Variants in PTPRM observed in about 807,000 individuals in gnomAD.
The protein encoded by PTPRM is receptor-type tyrosine-protein phosphatase mu.
Under a neutral mutation model 186.7 loss-of-function variants are expected in PTPRM, and 47 were observed. That is an observed-to-expected ratio of 0.25 (90% CI 0.20 to 0.32). The LOEUF (loss-of-function observed/expected upper bound fraction) is 0.32. Ranked by LOEUF, PTPRM falls within the 10% of genes least tolerant of loss-of-function variation. PTPRM has a pLI of 1.00. For missense variants in PTPRM, 1,494 were observed against 1,865.0 expected (o/e 0.80, Z 3.66); for synonymous variants, 668 against 674.9 (o/e 0.99, Z 0.16).
intron 4 of PTPRM, 69 bp from the exon 5 acceptor site, chr18:7,926,499 G>A (rs1401566512): frequency 2.5e-6 from 3 of 1,221,600 alleles, no homozygotes; most frequent in Non-Finnish European, 3.4e-6. Context: ...ATTTCAGATA[G>A]ATTGAAGAAG....
At chr18:8,033,664 T>C (rs1029760834) in intron 7 of PTPRM, among the ~76,000 whole-genome samples, 3 of 152,256 alleles carry the variant, frequency 2.0e-5, no homozygotes, top group Non-Finnish European at 4.4e-5. Context: ...CAGTTTGTCA[T>C]TGACCAAAAT....
chr18:7,697,714 A>T (rs2039874595), intron 1 of PTPRM, among the ~76,000 whole-genome samples: 1 of 152,200 alleles, frequency 6.6e-6, no homozygotes, highest in East Asian at 1.9e-4. Flanking sequence ...TTTACAGAGT[A>T]ATCTAGAGAG....
At chr18:7,857,782 G>A (rs1209869119) in intron 2 of PTPRM, among the ~76,000 whole-genome samples, 2 of 152,140 alleles carry the variant, frequency 1.3e-5, no homozygotes, top group African/African-American at 4.8e-5. Flanking sequence ...CATCAGTAGA[G>A]GACTAGAACA....
intron 7 of PTPRM, among the ~76,000 whole-genome samples, chr18:7,964,082 G>A (rs2053859349): frequency 6.6e-6 from 1 of 152,124 alleles, no homozygotes; most frequent in African/African-American, 2.4e-5. Context: ...TTTTTTATTA[G>A]AGCACATGCC....
At chr18:8,003,516 C>T (rs190883447) in intron 7 of PTPRM, among the ~76,000 whole-genome samples, 103 of 152,348 alleles carry the variant, frequency 6.8e-4, no homozygotes, top group African/African-American at 2.2e-3. Flanking sequence ...GAAGGTGCCT[C>T]AGCCAGGGCA....
intron 5 of PTPRM, among the ~76,000 whole-genome samples, chr18:7,943,415 C>G (rs1599650322): frequency 6.6e-6 from 1 of 152,158 alleles, no homozygotes; most frequent in East Asian, 1.9e-4. Context: ...CTTCGGTGAC[C>G]CAACATGACC....
chr18:7,580,253 G>A (rs1000334008), intron 1 of PTPRM, among the ~76,000 whole-genome samples: 1 of 152,180 alleles, frequency 6.6e-6, no homozygotes, highest in Non-Finnish European at 1.5e-5. Context: ...TTTTTGATAG[G>A]TGAGCATGGG....
At position 8,080,257 on chromosome 18, in the gene PTPRM, A is replaced by G. The variant is rs540339392; in HGVS notation, c.1551+3693A>G. 1.8e-4 allele frequency among the ~76,000 whole-genome samples: 28 copies of G among 152,280 alleles called. No individual in the cohort carries two copies. In the South Asian group the frequency reaches 4.8e-3, roughly 26 times the overall value. The stretch of plus-strand genomic sequence containing the variant: ...AGAAGTTTATTAGTAATACTCCCCA[A>G]TGTACAAGGATATTTGCCCAAGTAT... On this transcript the variant is annotated intron_variant, in intron 9 of 32. Coordinates refer to ENST00000580170, the MANE Select transcript of PTPRM (RefSeq NM_001105244.2).
intron 14 of PTPRM, among the ~76,000 whole-genome samples, chr18:8,162,062 T>G (rs2093240035): frequency 6.6e-6 from 1 of 152,142 alleles, no homozygotes; most frequent in South Asian, 2.1e-4. Flanking sequence ...TAGAATACTT[T>G]TTCTCATAAG....
At chr18:8,257,979 T>G (rs539901381) in intron 19 of PTPRM, among the ~76,000 whole-genome samples, 2 of 152,236 alleles carry the variant, frequency 1.3e-5, no homozygotes, top group South Asian at 4.2e-4. Context: ...TCAGTGCAGG[T>G]TTTTTATTTG....
intron 1 of PTPRM, among the ~76,000 whole-genome samples, chr18:7,611,520 T>G (rs1051076799): frequency 2.0e-5 from 3 of 152,204 alleles, no homozygotes; most frequent in African/African-American, 7.2e-5. Flanking sequence ...GTATTCAGTG[T>G]AGTCACATGC....
At chr18:8,316,088 C>T (rs141074502) in intron 21 of PTPRM, among the ~76,000 whole-genome samples, 3 of 152,168 alleles carry the variant, frequency 2.0e-5, no homozygotes, top group Non-Finnish European at 4.4e-5. Context: ...TCACAGTCTC[C>T]CAACTCAGAA....
At chr18:7,684,271 G>T (rs376078928) in intron 1 of PTPRM, among the ~76,000 whole-genome samples, 68 of 149,244 alleles carry the variant, frequency 4.6e-4, no homozygotes, top group African/African-American at 1.7e-3. Flanking sequence ...ACTCTAGCCT[G>T]GGTGACAGAG....
chr18:7,569,450 T>C (rs1171072168), intron 1 of PTPRM, among the ~76,000 whole-genome samples: 2 of 152,374 alleles, frequency 1.3e-5, no homozygotes, highest in African/African-American at 2.4e-5. Flanking sequence ...ATAAAACTGA[T>C]GCAGAATTTG....
intron 7 of PTPRM, among the ~76,000 whole-genome samples, chr18:7,978,051 C>G (rs188369405): frequency 5.9e-5 from 9 of 152,320 alleles, no homozygotes; most frequent in African/African-American, 2.2e-4. Context: ...AAGTGCCTGG[C>G]AAGGCCACTG....
At chr18:7,680,705 GA>G (rs2039461258) in intron 1 of PTPRM, among the ~76,000 whole-genome samples, 1 of 152,138 alleles carries the variant, frequency 6.6e-6, no homozygotes. Flanking sequence ...AAAAGAAAAA[GA>G]AAAAGATGTG....
intron 2 of PTPRM, among the ~76,000 whole-genome samples, chr18:7,872,770 C>T (rs901051107): frequency 5.3e-5 from 8 of 152,136 alleles, no homozygotes; most frequent in Admixed American, 2.0e-4. Context: ...ATGCTTCTGA[C>T]CTTCAGACCA....
intron 22 of PTPRM, among the ~76,000 whole-genome samples, chr18:8,325,959 T>A (rs2095373236): frequency 6.6e-6 from 1 of 152,234 alleles, no homozygotes; most frequent in Admixed American, 6.5e-5. Context: ...ATATACTTGC[T>A]GGCCGCATGG....
At chr18:7,810,185 C>G (rs1317316908) in intron 2 of PTPRM, among the ~76,000 whole-genome samples, 9 of 152,194 alleles carry the variant, frequency 5.9e-5, no homozygotes, top group Admixed American at 2.6e-4. Flanking sequence ...CCACCTTTCT[C>G]GAGCTCTAGT....
Sources: allele counts gnomAD v4.1 joint callset (sites outside exome capture counted in the v4.1 genomes callset), GRCh38; gene constraint gnomAD v4.1.1; transcripts MANE v1.5; gene names NCBI Gene and HGNC (gene_info 2026-07-23, HGNC 2026-07-21).